SLC44A1: variants seen among roughly 807,000 people sequenced by gnomAD.
SLC44A1 encodes choline transporter-like protein 1.
A neutral mutation model predicts 79.3 loss-of-function variants in SLC44A1; 26 were observed. The ratio of observed to expected loss-of-function variants is 0.33; its 90% CI spans 0.24 to 0.46. The LOEUF is 0.46. Ranked by LOEUF, SLC44A1 falls within the 20% of genes least tolerant of loss-of-function variation. The pLI is 1.00. For missense variants in SLC44A1, 688 were observed against 798.1 expected (o/e 0.86, Z 1.66); for synonymous variants, 263 against 286.2 (o/e 0.92, Z 0.82).
chr9:105,289,521 G>C (rs1830554818), intron 1 of SLC44A1, among the ~76,000 whole-genome samples: 1 of 152,146 alleles, frequency 6.6e-6, no homozygotes, highest in Admixed American at 6.5e-5. Context: ...TTTACATAGT[G>C]TGCTGTAGAA....
intron 3 of SLC44A1, among the ~76,000 whole-genome samples, chr9:105,315,279 T>G (rs1051582647): frequency 1.1e-4 from 16 of 151,792 alleles, no homozygotes; most frequent in South Asian, 4.1e-4. Flanking sequence ...TTGTTTTTTT[T>G]TTTTTTTTAC....
In SLC44A1 at chr9:105,299,269, T is replaced by C. The variant is rs776508228; in HGVS notation, c.86T>C (p.Ile29Thr). The stretch of plus-strand genomic sequence containing the variant: ...CTGGAGGACCGTAGCTGCACAGACA[T>C]ACCATGGCTGCTGCTCTTCATCCTC... Reference protein sequence around the residue: ...KPLEDRSCTDIPWLLLFILFC... With the variant: ...KPLEDRSCTDTPWLLLFILFC... Residue 29 changes from isoleucine to threonine, a missense_variant, in exon 2 of 16, where the codon ATA becomes ACA. Ile to Thr is a moderately conservative substitution (Grantham distance 89). Coordinates refer to ENST00000374720, the MANE Select transcript of SLC44A1 (RefSeq NM_080546.5). The C allele has an allele frequency of 3.2e-5, 51 of 1,597,790 alleles. No individual in the cohort carries two copies. Among genetic ancestry groups the C allele is most frequent in the Non-Finnish European group, 4.0e-5 (47 of 1,174,788 alleles).
At chr9:105,430,345 A>C (rs754196463) in intron 15 of SLC44A1, among the ~76,000 whole-genome samples, 41 of 152,326 alleles carry the variant, frequency 2.7e-4, no homozygotes, top group Non-Finnish European at 5.7e-4. Context: ...TGGCAAATGC[A>C]CAAAGCTGTG....
At chr9:105,364,871 T>A in intron 10 of SLC44A1, 151 bp downstream of exon 10, 1 of 573,866 alleles carries the variant, frequency 1.7e-6, no homozygotes, top group Non-Finnish European at 3.0e-6. Flanking sequence ...TATATATAGT[T>A]GATAATTCTG....
At chr9:105,322,180 A>G (rs1388472398) in intron 3 of SLC44A1, among the ~76,000 whole-genome samples, 1 of 152,222 alleles carries the variant, frequency 6.6e-6, no homozygotes, top group African/African-American at 2.4e-5. Flanking sequence ...AAAGCACTAA[A>G]TTAGCTGTGA....
chr9:105,330,871 G>T (rs1826728855), intron 3 of SLC44A1, among the ~76,000 whole-genome samples: 1 of 152,116 alleles, frequency 6.6e-6, no homozygotes, highest in South Asian at 2.1e-4. Context: ...TTGCAGTTTG[G>T]TCTGAGCATT....
In SLC44A1 at chr9:105,351,557, AG is replaced by A. The variant is rs1827411995; in HGVS notation, c.500+3107del. ...GAAAGAAAGAAAGAAAGAAAGAAAG[AG>A]AGAAAGAGAGAAAGAGAGAAAGAGA... On this transcript the variant is annotated intron_variant, in intron 5 of 15. Transcript: ENST00000374720. Among the ~76,000 whole-genome samples, 73 of 106,710 alleles carry A rather than the reference AG, an allele frequency of 6.8e-4. 2 individuals are homozygous for A. Among genetic ancestry groups the A allele is most frequent in the African/African-American group, 3.8e-3 (72 of 19,176 alleles). 70.0% of individuals were successfully genotyped at this position (106,710 alleles called of 152,430 possible).
intron 3 of SLC44A1, among the ~76,000 whole-genome samples, chr9:105,335,056 T>TATTC (rs1196117632): frequency 6.6e-6 from 1 of 152,176 alleles, no homozygotes; most frequent in Non-Finnish European, 1.5e-5. Context: ...TAACTTTGTA[T>TATTC]ATTCAGTTGT....
chr9:105,435,845 A>G (rs975013096), intron 15 of SLC44A1, among the ~76,000 whole-genome samples: 1 of 152,226 alleles, frequency 6.6e-6, no homozygotes, highest in Non-Finnish European at 1.5e-5. Flanking sequence ...CATGAGGTAG[A>G]TGGGAACTCT....
chr9:105,365,283 T>G (rs560842079), intron 10 of SLC44A1, among the ~76,000 whole-genome samples, 200 bp from the exon 11 acceptor site: 87 of 152,144 alleles, frequency 5.7e-4, no homozygotes, highest in Non-Finnish European at 9.4e-4. Context: ...GAAACTACCA[T>G]AGAGCAATGA....
At chr9:105,331,165 A>G (rs1480404350) in intron 3 of SLC44A1, among the ~76,000 whole-genome samples, 1 of 152,234 alleles carries the variant, frequency 6.6e-6, no homozygotes, top group Admixed American at 6.5e-5. Context: ...TTCACTGAGG[A>G]TAACAACGAC....
Position 105,389,548 on chromosome 9 carries a change from A to C in SLC44A1, c.*492A>C. 1 of 1,084,214 alleles carries C rather than the reference A, an allele frequency of 9.2e-7. No homozygotes were observed. Among genetic ancestry groups the C allele is most frequent in the Non-Finnish European group, 1.1e-6 (1 of 894,004 alleles). The allele number at this position is 1,084,214 out of a possible 1,614,324, so 67.2% of individuals were successfully genotyped here. Reference sequence around the variant, plus strand: ...CTAGGCATATGCTTTCAGATAAATAAGGAATTACTCCAATCAGTTTTCCCC... The same window carrying C: ...CTAGGCATATGCTTTCAGATAAATACGGAATTACTCCAATCAGTTTTCCCC... On this transcript the variant is annotated 3_prime_UTR_variant, in exon 16 of 16. Transcript: ENST00000374720.
chr9:105,268,524 A>G (rs2131225676), intron 1 of SLC44A1, among the ~76,000 whole-genome samples: 2 of 151,230 alleles, frequency 1.3e-5, no homozygotes, highest in South Asian at 4.2e-4. Context: ...TTTTTTTGAG[A>G]CGGAGTTTCG....
intron 1 of SLC44A1, among the ~76,000 whole-genome samples, chr9:105,263,460 C>A (rs544543132): frequency 2.6e-5 from 4 of 151,882 alleles, no homozygotes; most frequent in Non-Finnish European, 5.9e-5. Flanking sequence ...CTGTTCTGGG[C>A]CACTTCTTTA....
intron 13 of SLC44A1, among the ~76,000 whole-genome samples, chr9:105,377,498 C>A (rs150222800): frequency 1.1e-4 from 17 of 152,084 alleles, no homozygotes; most frequent in Middle Eastern, 3.4e-3. Flanking sequence ...TGCCTATAAT[C>A]CCAGCACTTT....
chr9:105,420,991 GATAA>G (rs1829242141), intron 15 of SLC44A1, among the ~76,000 whole-genome samples: 1 of 150,122 alleles, frequency 6.7e-6, no homozygotes, highest in South Asian at 2.1e-4. Flanking sequence ...GCATAATTTT[GATAA>G]ATAAAAACAA....
chr9:105,332,847 T>C (rs1392624844), intron 3 of SLC44A1, among the ~76,000 whole-genome samples: 1 of 152,220 alleles, frequency 6.6e-6, no homozygotes. Context: ...TTCTTAATGG[T>C]AATGACACGA....
rs1445030663 is a variant in SLC44A1, at chr9:105,394,626, C to T, written c.*5570C>T. 6.1e-6 allele frequency: 6 copies of T among 984,910 alleles called. No homozygotes were observed. The highest frequency in any genetic ancestry group is 7.2e-6 in the Non-Finnish European group (6 of 829,746). 61.0% of individuals were successfully genotyped at this position (984,910 alleles called of 1,614,324 possible). ...GCTATGACATTATGACATTATGTGG[C>T]TTAGTGTTATCAGTATACTACTGTC... On this transcript the variant is annotated 3_prime_UTR_variant, in exon 16 of 16. Coordinates refer to ENST00000374720, the MANE Select transcript of SLC44A1 (RefSeq NM_080546.5).
chr9:105,407,730 C>T (rs891641470), intron 15 of SLC44A1, among the ~76,000 whole-genome samples: 2 of 150,224 alleles, frequency 1.3e-5, no homozygotes, highest in Non-Finnish European at 3.0e-5. Context: ...ATTAGCTGGG[C>T]GTGATGGCAC....
Sources: gnomAD v4.1 joint callset for allele counts (sites outside exome capture counted in the v4.1 genomes callset) on GRCh38, gnomAD v4.1.1 for gene constraint, MANE v1.5 for transcripts, NCBI Gene and HGNC (gene_info 2026-07-23, HGNC 2026-07-21) for gene names.